Variants in GALNT9 observed in about 807,000 individuals in gnomAD.
The protein encoded by GALNT9 is polypeptide N-acetylgalactosaminyltransferase 9.
Under a neutral mutation model 63.1 loss-of-function variants are expected in GALNT9, and 47 were observed. The observed-to-expected ratio is 0.75, with a 90% CI of 0.59 to 0.95. The LOEUF (loss-of-function observed/expected upper bound fraction) is 0.95, where lower values mean the gene tolerates loss of function less well. Among genes scored for constraint, GALNT9 ranks in the 40% least tolerant of loss-of-function variants. GALNT9 has a pLI of 0.00. For synonymous variants in GALNT9, 396 were observed against 365.7 expected (o/e 1.08, Z -0.94); for missense variants, 829 against 874.8 (o/e 0.95, Z 0.66).
At position 132,282,133 on chromosome 12, in the gene GALNT9, T is replaced by A. The variant is rs1303275146; in HGVS notation, c.419+4117A>T. On this transcript the variant is annotated intron_variant, in intron 2 of 10. Coordinates refer to ENST00000328957, the MANE Select transcript of GALNT9 (RefSeq NM_001122636.2). This position sits in a 1 kb window ranked among gnomAD's most constrained non-coding sequence, Gnocchi z 4.5. ...ACTACAGCAAGGCCAGGCCTGGGGG[T>A]CCCCGATCCCACAGAGGAGGAATCA... Among the ~76,000 whole-genome samples the A allele has an allele frequency of 2.3e-5, 2 of 87,826 alleles. No individual in the cohort carries two copies. Among genetic ancestry groups the A allele is most frequent in the African/African-American group, 6.3e-5 (1 of 15,902 alleles). 57.6% of individuals were successfully genotyped at this position (87,826 alleles called of 152,430 possible). A position where few individuals can be genotyped will look rare whatever the true frequency, so the allele number is the denominator to read the frequency against.
intron 7 of GALNT9, 111 bp downstream of exon 7, chr12:132,203,394 C>T (rs1253953626): frequency 2.2e-6 from 2 of 909,130 alleles, no homozygotes; most frequent in Non-Finnish European, 3.3e-6. Flanking sequence ...GTCAACACAC[C>T]CACTCACACC....
chr12:132,264,412 T>C (rs868946903), intron 2 of GALNT9, among the ~76,000 whole-genome samples: 3 of 152,216 alleles, frequency 2.0e-5, no homozygotes, highest in South Asian at 2.1e-4. Context: ...GGCTCATCCG[T>C]AGGAAAAGTC....
chr12:132,250,747 C>T (rs1318972091), intron 5 of GALNT9, among the ~76,000 whole-genome samples: 2 of 152,178 alleles, frequency 1.3e-5, no homozygotes, highest in Non-Finnish European at 2.9e-5. Flanking sequence ...ACTGAGATGA[C>T]GCCACTGCAC....
At chr12:132,269,742 G>T (rs1181597953) in intron 2 of GALNT9, among the ~76,000 whole-genome samples, 1 of 152,268 alleles carries the variant, frequency 6.6e-6, no homozygotes, top group Non-Finnish European at 1.5e-5. Context: ...GACGCGTGGG[G>T]CCGGATCCCG....
rs201577071 is a variant in GALNT9, at chr12:132,240,854, C to A, written c.1077+7056G>T. The A allele has an allele frequency of 3.5e-3, 1,169 of 329,648 alleles. 36 individuals carry two copies. Among genetic ancestry groups the A allele is most frequent in the Admixed American group, 0.01 (295 of 28,990 alleles). 20.4% of individuals were successfully genotyped at this position (329,648 alleles called of 1,614,324 possible). On this transcript the variant is annotated intron_variant, in intron 6 of 10. Coordinates refer to ENST00000328957, the MANE Select transcript of GALNT9 (RefSeq NM_001122636.2). ...TATACCCATTACACACACACCACAC[C>A]CCCTTCCCAGGGCCGTCCCTATACC...
At position 132,315,788 on chromosome 12, in the gene GALNT9, C is replaced by A. The variant is rs1555245646; in HGVS notation, c.238+13178G>T. ...ACACAGAGCAGAGAGGGCTGAGCCA[C>A]CCACTCATACTCCCCACCGCGTCAC... On this transcript the variant is annotated intron_variant, in intron 1 of 10. Transcript: ENST00000328957. The surrounding 1 kb of genome is among the most constrained non-coding windows in gnomAD (Gnocchi z 6.1). 6.6e-6 allele frequency among the ~76,000 whole-genome samples: 1 copy of A among 152,172 alleles called. No individual in the cohort carries two copies. The highest frequency in any genetic ancestry group is 1.5e-5 in the Non-Finnish European group (1 of 68,026).
At chr12:132,197,708 C>T in intron 10 of GALNT9, 84 bp downstream of exon 10, 1 of 1,061,096 alleles carries the variant, frequency 9.4e-7, no homozygotes, top group South Asian at 1.5e-5. Context: ...ACCCAATGGG[C>T]TGGCTCTAGT....
intron 1 of GALNT9, among the ~76,000 whole-genome samples, chr12:132,287,284 G>A (rs187338117): frequency 2.6e-5 from 4 of 152,172 alleles, no homozygotes; most frequent in East Asian, 1.9e-4. Context: ...CGGGAACTCC[G>A]CTCAGTCTCT....
chr12:132,202,674 A>C (rs75796663), intron 7 of GALNT9, among the ~76,000 whole-genome samples: 6,272 of 152,176 alleles, frequency 0.041, 425 homozygotes, highest in African/African-American at 0.14. Flanking sequence ...GATGCAGACA[A>C]GCCCGTTTCT....
Position 132,327,979 on chromosome 12 carries a change from C to G in GALNT9, c.238+987G>C, listed in dbSNP as rs954519809. On this transcript the variant is annotated intron_variant, in intron 1 of 10. Transcript: ENST00000328957. The surrounding 1 kb of genome is among the most constrained non-coding windows in gnomAD (Gnocchi z 4.3). ...CGTCACCTCCCACTCGAGCCTGTTACGGATGCTTTCTGGAGGAGGTTTGCT... is the reference window on the plus strand; with the variant it reads ...CGTCACCTCCCACTCGAGCCTGTTAGGGATGCTTTCTGGAGGAGGTTTGCT... Among the ~76,000 whole-genome samples, 5 of 152,176 alleles carry G rather than the reference C, an allele frequency of 3.3e-5. No homozygotes were observed. Among genetic ancestry groups the G allele is most frequent in the African/African-American group, 9.7e-5 (4 of 41,450 alleles).
intron 9 of GALNT9, 38 bp from the exon 10 acceptor site, chr12:132,197,997 C>T: frequency 6.5e-7 from 1 of 1,547,328 alleles, no homozygotes; most frequent in Non-Finnish European, 8.9e-7. Context: ...GTGAGCAGCG[C>T]CCAGGCTCTC....
intron 8 of GALNT9, among the ~76,000 whole-genome samples, chr12:132,200,044 G>A (rs1875896295): frequency 6.6e-6 from 1 of 152,218 alleles, no homozygotes; most frequent in Non-Finnish European, 1.5e-5. Flanking sequence ...AATTGAGGAT[G>A]GAGTGGGCAG....
intron 2 of GALNT9, chr12:132,284,100 T>C (rs28608855): frequency 0.77 from 115,813 of 150,740 alleles, 44,792 homozygotes; most frequent in Non-Finnish European, 0.83. Flanking sequence ...CACACGCATG[T>C]ACACACGCAC....
At chr12:132,226,814 ATC>A (rs1877710612) in intron 6 of GALNT9, among the ~76,000 whole-genome samples, 7 of 143,640 alleles carry the variant, frequency 4.9e-5, no homozygotes, top group African/African-American at 1.6e-4. Flanking sequence ...ACCCACACAC[ATC>A]CCATAAACAC....
chr12:132,229,317 C>A (rs1027241481), intron 6 of GALNT9, among the ~76,000 whole-genome samples: 1 of 152,234 alleles, frequency 6.6e-6, no homozygotes, highest in East Asian at 1.9e-4. Flanking sequence ...ACGAGGCGCA[C>A]GCTTTGTCTG....
In GALNT9 at chr12:132,302,968, A is replaced by C. The variant is rs568399628; in HGVS notation, c.239-16538T>G. On this transcript the variant is annotated intron_variant, in intron 1 of 10. Coordinates refer to ENST00000328957, the MANE Select transcript of GALNT9 (RefSeq NM_001122636.2). ...GAGGGACCACTCCGGTGACCGTCTA[A>C]GGGGGGCGAGGGTGGAACCCAGGGG... is the stretch of plus-strand genomic sequence containing the variant. 8.2e-3 allele frequency among the ~76,000 whole-genome samples: 523 copies of C among 63,546 alleles called. 3 individuals carry two copies. The highest frequency in any genetic ancestry group is 0.025 in the African/African-American group (497 of 19,824). The allele number at this position is 63,546 out of a possible 152,430, so 41.7% of individuals were successfully genotyped here. A position where few individuals can be genotyped will look rare whatever the true frequency, so the allele number is the denominator to read the frequency against.
chr12:132,270,455 C>A (rs1555240630), intron 2 of GALNT9, among the ~76,000 whole-genome samples: 1 of 152,262 alleles, frequency 6.6e-6, no homozygotes, highest in African/African-American at 2.4e-5. Context: ...TGCCAGGTGC[C>A]ACCTGGAGAT....
chr12:132,266,030 G>A lies in GALNT9; in HGVS notation c.420-3405C>T, dbSNP rs111661188. Among the ~76,000 whole-genome samples the A allele has an allele frequency of 8.6e-3, 1,092 of 126,862 alleles. 14 individuals carry two copies. Among genetic ancestry groups the A allele is most frequent in the African/African-American group, 0.04 (996 of 25,170 alleles). 83.2% of individuals were successfully genotyped at this position (126,862 alleles called of 152,430 possible). ...TGTCTGCCTTTACACGCCCGACCTC[G>A]CCGTATTTCATCAACAGGCACGCAC... On this transcript the variant is annotated intron_variant, in intron 2 of 10. Coordinates refer to ENST00000328957, the MANE Select transcript of GALNT9 (RefSeq NM_001122636.2).
At chr12:132,207,321 C>A (rs540977857) in intron 6 of GALNT9, among the ~76,000 whole-genome samples, 1 of 152,228 alleles carries the variant, frequency 6.6e-6, no homozygotes, top group Non-Finnish European at 1.5e-5. Context: ...CGAGGCCGGG[C>A]ACACAGTAGG....
Sources: allele counts gnomAD v4.1 joint callset (sites outside exome capture counted in the v4.1 genomes callset), GRCh38; gene constraint gnomAD v4.1.1; non-coding constraint Gnocchi (gnomAD v3.1); transcripts MANE v1.5; gene names NCBI Gene and HGNC (gene_info 2026-07-23, HGNC 2026-07-21).